The following ZIM3 variants were observed in gnomAD, a reference collection of about 807,000 sequenced individuals.
ZIM3 encodes zinc finger imprinted 3.
A neutral mutation model predicts 12.9 loss-of-function variants in ZIM3; 11 were observed. That is an observed-to-expected ratio of 0.85 (90% CI 0.54 to 1.41). The LOEUF (loss-of-function observed/expected upper bound fraction) is 1.41, where lower values mean the gene tolerates loss of function less well. Ranked by LOEUF, ZIM3 falls within the 40% of genes most tolerant of loss-of-function variation. ZIM3 has a pLI of 0.00. For missense variants in ZIM3, 604 were observed against 557.2 expected (o/e 1.08, Z -0.85); for synonymous variants, 205 against 198.5 (o/e 1.03, Z -0.28).
Position 57,136,068 on chromosome 19 carries a change from A to T in ZIM3, c.269T>A (p.Ile90Asn). 3.1e-6 allele frequency: 5 copies of T among 1,612,570 alleles called. No individual in the cohort carries two copies. Among genetic ancestry groups the T allele is most frequent in the Non-Finnish European group, 3.4e-6 (4 of 1,179,264 alleles). Residue 90 changes from isoleucine to asparagine, a missense_variant, in exon 5 of 5, where the codon ATT becomes AAT. Transcript: ENST00000269834. ...CTCTTTCACATCCTTTGGCTTCCAA[A>T]TCTGCCCTCCAATGTCCCCATTTTT... ...AEKNGDIGGQ[I>N]WKPKDVKESL... is the part of the protein sequence containing the mutation.
Position 57,134,813 on chromosome 19 carries a change from C to T in ZIM3, c.*105G>A. The T allele has an allele frequency of 8.3e-7, 1 of 1,209,348 alleles. No individual in the cohort carries two copies. The allele number at this position is 1,209,348 out of a possible 1,614,324, so 74.9% of individuals were successfully genotyped here. On this transcript the variant is annotated 3_prime_UTR_variant, in exon 5 of 5. Coordinates refer to ENST00000269834, the MANE Select transcript of ZIM3 (RefSeq NM_052882.1). ...ATACTGTGATAATAAGTCCTCGCTA[C>T]CTTCAAAAATAGCCTCCAAATTAGA...
intron 2 of ZIM3, among the ~76,000 whole-genome samples, chr19:57,141,600 G>A (rs1461548040): frequency 6.6e-6 from 1 of 151,816 alleles, no homozygotes; most frequent in Non-Finnish European, 1.5e-5. Context: ...CTCAGGAAAA[G>A]ACCTTCAGAT....
chr19:57,136,919 C>T lies in ZIM3; in HGVS notation c.195G>A (p.Lys65=). ...CTTCCTCTTCCTCCAACCATGGCTC[C>T]TTTCCTTGTTCCAACCTCAAGATCA... ...PDVILRLEQG[K]EPWLEEEEVL... is the part of the protein sequence containing the mutation. The change falls in exon 4 of 5, where the codon AAG becomes AAA. Residue 65 remains lysine, a synonymous_variant. Coordinates refer to ENST00000269834, the MANE Select transcript of ZIM3 (RefSeq NM_052882.1). 1 of 1,614,170 alleles carries T rather than the reference C, an allele frequency of 6.2e-7. No individual in the cohort carries two copies. The highest frequency in any genetic ancestry group is 8.5e-7 in the Non-Finnish European group (1 of 1,180,044).
intron 4 of ZIM3, 66 bp downstream of exon 4, chr19:57,136,807 C>T: frequency 7.0e-7 from 1 of 1,421,304 alleles, no homozygotes; most frequent in South Asian, 1.2e-5. Context: ...AAACGACTTC[C>T]TCATTTAGAA....
At chr19:57,142,306 C>A (rs2086917274) in intron 2 of ZIM3, among the ~76,000 whole-genome samples, 1 of 151,958 alleles carries the variant, frequency 6.6e-6, no homozygotes, top group Non-Finnish European at 1.5e-5. Flanking sequence ...ACCACCACCA[C>A]ACCCAGCTAA....
In ZIM3 at chr19:57,135,015, T is replaced by C. The variant is rs1056352753; in HGVS notation, c.1322A>G (p.His441Arg). 6.2e-7 allele frequency: 1 copy of C among 1,614,178 alleles called. No individual in the cohort carries two copies. The highest frequency in any genetic ancestry group is 1.3e-5 in the African/African-American group (1 of 75,044). Residue 441 changes from histidine to arginine, a missense_variant, in exon 5 of 5, where the codon CAT becomes CGT. By Grantham distance (29) the His-to-Arg change is conservative. Coordinates refer to ENST00000269834, the MANE Select transcript of ZIM3 (RefSeq NM_052882.1). The part of the protein sequence containing the change: ...KLNLSLHKKT[H>R]TGQKPYGCSE... ...ACATCCATAAGGTTTTTGTCCAGTA[T>C]GGGTTTTTTTATGCAAACTAAGGTT...
Position 57,144,884 on chromosome 19 carries a change from G to A in ZIM3, c.-68C>T, listed in dbSNP as rs770394030. 1.9e-4 allele frequency: 29 copies of A among 152,306 alleles called. No homozygotes were observed. The highest frequency in any genetic ancestry group is 6.5e-4 in the Admixed American group (10 of 15,292). The allele number at this position is 152,306 out of a possible 1,614,324, so 9.4% of individuals were successfully genotyped here. ...CTCCAGTGGAATCTGGCATAAATTA[G>A]CAAGTTGATTGATTTCTGATGCCTG... On this transcript the variant is annotated 5_prime_UTR_variant, in exon 1 of 5. Coordinates refer to ENST00000269834, the MANE Select transcript of ZIM3 (RefSeq NM_052882.1).
rs755209701 is a variant in ZIM3, at chr19:57,135,067, A to T, written c.1270T>A (p.Cys424Ser). 2 of 1,614,100 alleles carry T rather than the reference A, an allele frequency of 1.2e-6. No homozygotes were observed. Among genetic ancestry groups the T allele is most frequent in the Non-Finnish European group, 1.7e-6 (2 of 1,180,020 alleles). ...AATTTCCGGATGAAGGTTTTTCCAC[A>T]TTCACTACATCTATAGGTCCTCTCT... is the stretch of plus-strand genomic sequence containing the variant. ...SGERTYRCSE[C>S]GKTFIRKLNL... The change falls in exon 5 of 5, where the codon TGT (cysteine) becomes AGT (serine). Residue 424 changes from cysteine to serine, a missense_variant. Transcript: ENST00000269834.
Position 57,135,171 on chromosome 19 carries a change from T to G in ZIM3, c.1166A>C (p.Lys389Thr). The change falls in exon 5 of 5, where the codon AAG (lysine) becomes ACG (threonine). Residue 389 changes from lysine (K) to threonine (T), a missense_variant. By Grantham distance (78) the Lys-to-Thr change is moderately conservative. Transcript: ENST00000269834. ...IQHKKIHTGE[K>T]PYECNRCGKA... ...TCCACATCTGTTACATTCATAGGGC[T>G]TTTCCCCAGTATGGATTTTTTTATG... 6.2e-7 allele frequency: 1 copy of G among 1,614,078 alleles called. No individual in the cohort carries two copies. Among genetic ancestry groups the G allele is most frequent in the Non-Finnish European group, 8.5e-7 (1 of 1,179,958 alleles).
At position 57,135,917 on chromosome 19, in the gene ZIM3, A is replaced by T. The variant is rs545311281; in HGVS notation, c.420T>A (p.Tyr140Ter). Residue 140 changes from tyrosine (Y) to a stop codon, truncating the protein, a stop_gained, in exon 5 of 5, where the codon TAT becomes TAA. Coordinates refer to ENST00000269834, the MANE Select transcript of ZIM3 (RefSeq NM_052882.1). LOFTEE classifies it low-confidence loss of function (END_TRUNC). Reference sequence around the variant, plus strand: ...TATCATCGTGAGAATTATTTTGTACATAGTGTTGCAAGGAAGATACATCAT... The same window carrying T: ...TATCATCGTGAGAATTATTTTGTACTTAGTGTTGCAAGGAAGATACATCAT... ...GIDDVSSLQHYVQNNSHDDNG... is the reference protein window; with the variant it reads ...GIDDVSSLQH 1 of 1,614,148 alleles carries T rather than the reference A, an allele frequency of 6.2e-7. No individual in the cohort carries two copies. Among genetic ancestry groups the T allele is most frequent in the Non-Finnish European group, 8.5e-7 (1 of 1,180,034 alleles).
Position 57,138,541 on chromosome 19 carries a change from GC to G in ZIM3, c.72del (p.Leu25Ter), listed in dbSNP as rs1201148359. 1 of 1,614,068 alleles carries G rather than the reference GC, an allele frequency of 6.2e-7. No homozygotes were observed. Among genetic ancestry groups the G allele is most frequent in the South Asian group, 1.1e-5 (1 of 91,076 alleles). On this transcript the variant is annotated frameshift_variant, in exon 3 of 5. Transcript: ENST00000269834. LOFTEE classifies it high-confidence loss of function. ...TACAAGTTTCTCTGTTCGGGATTCAGCCGCTGCCACTCCCCCTGGGTGAAGT... is the reference window on the plus strand; with the variant it reads ...TACAAGTTTCTCTGTTCGGGATTCAGCGCTGCCACTCCCCCTGGGTGAAGT... ...TVNFTQGEWQ[R>X]LNPEQRNLYR...
chr19:57,135,433 T>C lies in ZIM3; in HGVS notation c.904A>G (p.Thr302Ala). ...STLIQHKKVH[T>A]GQKPFQCTDC... is the part of the protein sequence containing the mutation. ...GTACATTGAAAGGGTTTTTGTCCAG[T>C]GTGAACTTTTTTATGTTGAATGAGG... is the stretch of plus-strand genomic sequence containing the variant. The change falls in exon 5 of 5, where the codon ACT (threonine) becomes GCT (alanine). Residue 302 changes from threonine (T) to alanine (A), a missense_variant. Thr to Ala is a moderately conservative substitution (Grantham distance 58, BLOSUM62 0). Coordinates refer to ENST00000269834, the MANE Select transcript of ZIM3 (RefSeq NM_052882.1). 1 of 1,614,170 alleles carries C rather than the reference T, an allele frequency of 6.2e-7. No individual in the cohort carries two copies. The highest frequency in any genetic ancestry group is 8.5e-7 in the Non-Finnish European group (1 of 1,180,042).
At chr19:57,139,861 C>G (rs1173150760) in intron 2 of ZIM3, among the ~76,000 whole-genome samples, 1 of 152,168 alleles carries the variant, frequency 6.6e-6, no homozygotes, top group Non-Finnish European at 1.5e-5. Flanking sequence ...TATCAGCTTT[C>G]CTTGCATTTG....
In ZIM3 at chr19:57,135,873, ACTAATTTTCTGTATC is replaced by A. The variant is rs778229869; in HGVS notation, c.449_463del (p.Gly150_Leu154del). The A allele has an allele frequency of 1.9e-6, 3 of 1,614,150 alleles. No individual in the cohort carries two copies. The East Asian group carries it at 6.7e-5, about 36-fold the overall frequency. On this transcript the variant is annotated inframe_deletion, in exon 5 of 5. Coordinates refer to ENST00000269834, the MANE Select transcript of ZIM3 (RefSeq NM_052882.1). Reference sequence around the variant, plus strand: ...TACAAATTTGGATGGATTATTGCCAACTAATTTTCTGTATCCATTATCATCGTGAGAATTATTTTG... The same window carrying A: ...TACAAATTTGGATGGATTATTGCCAACATTATCATCGTGAGAATTATTTTG...
In ZIM3 at chr19:57,135,185, G is replaced by C; in HGVS notation, c.1152C>G (p.Ile384Met). 1 of 1,613,814 alleles carries C rather than the reference G, an allele frequency of 6.2e-7. No individual in the cohort carries two copies. The highest frequency in any genetic ancestry group is 8.5e-7 in the Non-Finnish European group (1 of 1,179,892). The change falls in exon 5 of 5, where the codon ATC becomes ATG. Residue 384 changes from isoleucine (I) to methionine (M), a missense_variant. Physicochemically the swap from Ile to Met is conservative, Grantham distance 10. Transcript: ENST00000269834. ...QKKNLIQHKKIHTGEKPYECN... is the reference protein window; with the variant it reads ...QKKNLIQHKKMHTGEKPYECN... ...ATTCATAGGGCTTTTCCCCAGTATG[G>C]ATTTTTTTATGTTGAATGAGGTTTT...
chr19:57,138,557 C>A lies in ZIM3; in HGVS notation c.57G>T (p.Gln19His), dbSNP rs2086900343. The change falls in exon 3 of 5, where the codon CAG (glutamine) becomes CAT (histidine). Residue 19 changes from glutamine to histidine, a missense_variant. Transcript: ENST00000269834. ...TFEDVTVNFTQGEWQRLNPEQ... is the reference protein window; with the variant it reads ...TFEDVTVNFTHGEWQRLNPEQ... ...CGGGATTCAGCCGCTGCCACTCCCC[C>A]TGGGTGAAGTTCACAGTGACATCCT... 4 of 1,614,170 alleles carry A rather than the reference C, an allele frequency of 2.5e-6. No homozygotes were observed. The East Asian group carries it at 8.9e-5, about 36-fold the overall frequency.
rs1410689732 is a variant in ZIM3 at position 57,137,904 on chromosome 19, A to T, written c.142+568T>A. 6.7e-3 allele frequency among the ~76,000 whole-genome samples: 298 copies of T among 44,340 alleles called. 15 individuals are homozygous for T. The highest frequency in any genetic ancestry group is 0.012 in the Middle Eastern group (1 of 82). The allele number at this position is 44,340 out of a possible 152,430, so 29.1% of individuals were successfully genotyped here. A position where few individuals can be genotyped will look rare whatever the true frequency, so the allele number is the denominator to read the frequency against. The stretch of plus-strand genomic sequence containing the variant: ...GAAGGAAGGAAAGAAGGAAGGAAAG[A>T]AGGAAGGAAGGAAGGAAAGAAGGAA... On this transcript the variant is annotated intron_variant, in intron 3 of 4. Coordinates refer to ENST00000269834, the MANE Select transcript of ZIM3 (RefSeq NM_052882.1).
chr19:57,134,871 T>C lies in ZIM3; in HGVS notation c.*47A>G. The C allele has an allele frequency of 6.5e-7, 1 of 1,540,586 alleles. No homozygotes were observed. Among genetic ancestry groups the C allele is most frequent in the Non-Finnish European group, 8.7e-7 (1 of 1,145,578 alleles). ...TCAACATGGAATTCTGGGGTGACAATTCCAGGCAACCATATCTTCCCATGT... is the reference window on the plus strand; with the variant it reads ...TCAACATGGAATTCTGGGGTGACAACTCCAGGCAACCATATCTTCCCATGT... On this transcript the variant is annotated 3_prime_UTR_variant, in exon 5 of 5. Coordinates refer to ENST00000269834, the MANE Select transcript of ZIM3 (RefSeq NM_052882.1).
At chr19:57,137,385 G>C (rs2086891559) in intron 3 of ZIM3, among the ~76,000 whole-genome samples, 1 of 152,096 alleles carries the variant, frequency 6.6e-6, no homozygotes, top group Non-Finnish European at 1.5e-5. Flanking sequence ...CTATTCAGGA[G>C]GCTGAGGTGG....
Sources: allele counts gnomAD v4.1 joint callset (sites outside exome capture counted in the v4.1 genomes callset), GRCh38; gene constraint gnomAD v4.1.1; transcripts MANE v1.5; gene names NCBI Gene and HGNC (gene_info 2026-07-23, HGNC 2026-07-21).